RBFOX3: variants seen among roughly 807,000 people sequenced by gnomAD.
RBFOX3 encodes the protein RNA binding protein fox-1 homolog 3.
Under a neutral mutation model 48.7 loss-of-function variants are expected in RBFOX3, and 17 were observed. The observed-to-expected ratio is 0.35, with a 90% CI of 0.24 to 0.52. RBFOX3 has a LOEUF of 0.52. Ranked by LOEUF, RBFOX3 falls within the 20% of genes least tolerant of loss-of-function variation. The pLI is 0.94. For missense variants in RBFOX3, 382 were observed against 497.5 expected (o/e 0.77, Z 2.21); for synonymous variants, 212 against 209.5 (o/e 1.01, Z -0.10).
intron 1 of RBFOX3, among the ~76,000 whole-genome samples, chr17:79,506,642 G>A (rs1234541331): frequency 6.6e-6 from 1 of 152,220 alleles, no homozygotes; most frequent in Non-Finnish European, 1.5e-5. Flanking sequence ...CCGCGGCCAG[G>A]CCTGGGGACT....
chr17:79,152,017 C>T (rs535034485), intron 4 of RBFOX3, among the ~76,000 whole-genome samples: 13 of 151,748 alleles, frequency 8.6e-5, no homozygotes, highest in South Asian at 6.3e-4. Flanking sequence ...GGGGAGAACG[C>T]TAAGAAATGG....
At chr17:79,098,059 A>G in intron 9 of RBFOX3, 1 of 379,676 alleles carries the variant, frequency 2.6e-6, no homozygotes, top group South Asian at 3.8e-5. Flanking sequence ...CACCTCCCAG[A>G]AGAGAACTGG....
At chr17:79,354,168 G>T (rs537470120) in intron 2 of RBFOX3, among the ~76,000 whole-genome samples, 5 of 152,282 alleles carry the variant, frequency 3.3e-5, no homozygotes, top group African/African-American at 1.2e-4. Flanking sequence ...CAACGTCATT[G>T]TCACCCAGAG....
rs2079872601 is a variant in RBFOX3 at position 79,329,475 on chromosome 17, T to C, written c.-174-21651A>G. Among the ~76,000 whole-genome samples the C allele has an allele frequency of 2.0e-5, 3 of 152,142 alleles. No individual in the cohort carries two copies. In the South Asian group the frequency reaches 6.2e-4, roughly 31 times the overall value. ...CCGTAGCAGTTCCTGCTGATGGTGT[T>C]ACGTGGCCACGCCATCAACCCAGAT... On this transcript the variant is annotated intron_variant, in intron 2 of 14. Coordinates refer to ENST00000693108, the MANE Select transcript of RBFOX3 (RefSeq NM_001350451.2).
chr17:79,438,377 G>A (rs1338165793), intron 2 of RBFOX3, among the ~76,000 whole-genome samples: 2 of 152,196 alleles, frequency 1.3e-5, no homozygotes, highest in African/African-American at 4.8e-5. Flanking sequence ...TTCATGGAAG[G>A]ATCAAGGAGG....
At position 79,173,601 on chromosome 17, in the gene RBFOX3, T is replaced by G. The variant is rs142635584; in HGVS notation, c.-33-57853A>C. 7.7e-3 allele frequency among the ~76,000 whole-genome samples: 1,175 copies of G among 152,230 alleles called. 17 individuals are homozygous for G. Among genetic ancestry groups the G allele is most frequent in the African/African-American group, 0.027 (1,125 of 41,546 alleles). On this transcript the variant is annotated intron_variant, in intron 4 of 14. Coordinates refer to ENST00000693108, the MANE Select transcript of RBFOX3 (RefSeq NM_001350451.2). ...CCGGTCAACCTTCCAAAACACACAG[T>G]GGCTTGGCAGTGACGGCACGGCACT...
chr17:79,649,492 G>T, the RBFOX3 span, among the ~76,000 whole-genome samples: 2 of 152,302 alleles, frequency 1.3e-5, no homozygotes, highest in African/African-American at 4.8e-5. Context: ...GATCACCTGA[G>T]GTCAGGAGTT....
At chr17:79,285,931 C>T (rs748078315) in intron 3 of RBFOX3, among the ~76,000 whole-genome samples, 16 of 152,228 alleles carry the variant, frequency 1.1e-4, no homozygotes, top group Non-Finnish European at 2.4e-4. Context: ...GATCCACCTA[C>T]CTCGGCCTCC....
Position 79,439,687 on chromosome 17 carries a change from C to T in RBFOX3, c.-175+42767G>A, listed in dbSNP as rs373701924. Among the ~76,000 whole-genome samples, 49 of 152,374 alleles carry T rather than the reference C, an allele frequency of 3.2e-4. 1 individual carries two copies. In the South Asian group the frequency reaches 9.9e-3, roughly 31 times the overall value. ...GTGCAAGCATGATCGCATGTGCACACGTGCCTCTGCACATGCACACACACT... is the reference window on the plus strand; with the variant it reads ...GTGCAAGCATGATCGCATGTGCACATGTGCCTCTGCACATGCACACACACT... On this transcript the variant is annotated intron_variant, in intron 2 of 14. Coordinates refer to ENST00000693108, the MANE Select transcript of RBFOX3 (RefSeq NM_001350451.2).
chr17:79,615,147 G>A (rs1369792285), upstream of RBFOX3, among the ~76,000 whole-genome samples: 1 of 152,114 alleles, frequency 6.6e-6, no homozygotes, highest in Non-Finnish European at 1.5e-5. Flanking sequence ...TCAACACAAA[G>A]AGGGCAGCTA....
rs113037482 is a variant in RBFOX3 at position 79,390,002 on chromosome 17, C to T, written c.-174-82178G>A. ...GGTCTCCGCAGCCTCCAGGTCTCCG[C>T]AGCCTCCAGGTCTCCGCAGCCTCCA... On this transcript the variant is annotated intron_variant, in intron 2 of 14. Coordinates refer to ENST00000693108, the MANE Select transcript of RBFOX3 (RefSeq NM_001350451.2). The surrounding 1 kb of genome is among the most constrained non-coding windows in gnomAD (Gnocchi z 4.2). Among the ~76,000 whole-genome samples the T allele has an allele frequency of 2.6e-4, 30 of 116,054 alleles. 1 individual carries two copies. The East Asian group carries it at 3.1e-3, about 12-fold the overall frequency. 76.1% of individuals were successfully genotyped at this position (116,054 alleles called of 152,430 possible). A position where few individuals can be genotyped will look rare whatever the true frequency, so the allele number is the denominator to read the frequency against.
the RBFOX3 span, among the ~76,000 whole-genome samples, chr17:79,631,902 C>T: frequency 2.0e-5 from 3 of 152,126 alleles, no homozygotes; most frequent in Admixed American, 1.3e-4. Context: ...ACGGAGGGTA[C>T]CCAGCAGATC....
At chr17:79,321,722 T>TTA (rs1555668620) in intron 2 of RBFOX3, among the ~76,000 whole-genome samples, 67 of 150,820 alleles carry the variant, frequency 4.4e-4, no homozygotes, top group African/African-American at 1.5e-3. Context: ...TTTTTTTTTT[T>TTA]ATAGACGGAG....
At chr17:79,422,402 G>A (rs1376342253) in intron 2 of RBFOX3, among the ~76,000 whole-genome samples, 7 of 146,762 alleles carry the variant, frequency 4.8e-5, no homozygotes, top group East Asian at 2.0e-4. Context: ...CCCTGTGCCC[G>A]GCCCTCCACT....
chr17:79,436,516 A>G (rs2069487086), intron 2 of RBFOX3, among the ~76,000 whole-genome samples: 1 of 152,182 alleles, frequency 6.6e-6, no homozygotes, highest in African/African-American at 2.4e-5. Context: ...AGCCCAGGAC[A>G]CCCGGGAGGA....
intron 1 of RBFOX3, among the ~76,000 whole-genome samples, chr17:79,521,924 G>A (rs2086166944): frequency 6.6e-6 from 1 of 152,294 alleles, no homozygotes; most frequent in East Asian, 1.9e-4. Context: ...AAGTGGACAT[G>A]GGAGTTTTTC....
At chr17:79,499,404 T>A (rs981475538) in intron 1 of RBFOX3, among the ~76,000 whole-genome samples, 3 of 151,490 alleles carry the variant, frequency 2.0e-5, no homozygotes, top group Non-Finnish European at 4.4e-5. Flanking sequence ...CACTCATCCA[T>A]CCATGCATCC....
chr17:79,115,544 G>T lies in RBFOX3; in HGVS notation c.172C>A (p.Pro58Thr). ...YTPAQTHPEQ[P>T]GSEASTQPIA... ...GGCTGTGTGCTGGCCTCGGAGCCTG[G>T]CTGCTCGGGGTGGGTCTGTGCTGGT... Residue 58 changes from proline (P) to threonine (T), a missense_variant, in exon 5 of 15, where the codon CCA becomes ACA. Physicochemically the swap from Pro to Thr is conservative, Grantham distance 38. Around this residue, in one of 3 missense-constraint regions of RBFOX3, gnomAD observed 118 missense variants for 132.1 expected, o/e 0.89. Transcript: ENST00000693108. 7.4e-7 allele frequency: 1 copy of T among 1,342,364 alleles called. No individual in the cohort carries two copies. 83.2% of individuals were successfully genotyped at this position (1,342,364 alleles called of 1,614,324 possible). A position where few individuals can be genotyped will look rare whatever the true frequency, so the allele number is the denominator to read the frequency against.
Position 79,482,558 on chromosome 17 carries a change from C to T in RBFOX3, c.-279G>A, listed in dbSNP as rs917948711. The T allele has an allele frequency of 6.6e-6, 1 of 152,108 alleles. No individual in the cohort carries two copies. Among genetic ancestry groups the T allele is most frequent in the Non-Finnish European group, 1.5e-5 (1 of 68,000 alleles). The allele number at this position is 152,108 out of a possible 1,614,324, so 9.4% of individuals were successfully genotyped here. A position where few individuals can be genotyped will look rare whatever the true frequency, so the allele number is the denominator to read the frequency against. On this transcript the variant is annotated 5_prime_UTR_variant, in exon 2 of 15. Coordinates refer to ENST00000693108, the MANE Select transcript of RBFOX3 (RefSeq NM_001350451.2). This position sits in a 1 kb window ranked among gnomAD's most constrained non-coding sequence, Gnocchi z 4.1. ...GGGGGCTGCTGGGGAGGAGTGGCGA[C>T]CACAGGAAGACTGTTAGCTTCTCAG...
Sources: gnomAD v4.1 joint callset for allele counts (sites outside exome capture counted in the v4.1 genomes callset) on GRCh38, gnomAD v4.1.1 for gene constraint, gnomAD v4.1.1 regional missense constraint, Gnocchi (gnomAD v3.1) non-coding constraint, MANE v1.5 for transcripts, NCBI Gene and HGNC (gene_info 2026-07-23, HGNC 2026-07-21) for gene names.